Variants in COL11A1 observed in about 807,000 individuals in gnomAD.
The protein encoded by COL11A1 is collagen type XI alpha 1 chain.
In COL11A1, 74 loss-of-function variants were observed where a neutral mutation model predicts 265.2. The ratio of observed to expected loss-of-function variants is 0.28; its 90% CI spans 0.23 to 0.34. COL11A1 has a LOEUF of 0.34. Ranked by LOEUF, COL11A1 falls within the 10% of genes least tolerant of loss-of-function variation. The pLI, the probability that COL11A1 is intolerant of heterozygous loss-of-function variation, is 1.00. For synonymous variants in COL11A1, 816 were observed against 727.6 expected (o/e 1.12, Z -1.96); for missense variants, 2,165 against 2,263.6 (o/e 0.96, Z 0.88).
At chr1:102,938,235 A>G (rs563208647) in intron 44 of COL11A1, among the ~76,000 whole-genome samples, 2 of 152,294 alleles carry the variant, frequency 1.3e-5, no homozygotes, top group African/African-American at 2.4e-5. Flanking sequence ...ATCACAAAAT[A>G]GAACCAGACT....
chr1:103,012,302 A>G, intron 14 of COL11A1, 111 bp downstream of exon 14: 1 of 788,534 alleles, frequency 1.3e-6, no homozygotes, highest in Non-Finnish European at 2.2e-6. Flanking sequence ...AAGCATGAAA[A>G]CATACCCTAT....
chr1:102,902,802 TATA>T (rs746118882), intron 54 of COL11A1, among the ~76,000 whole-genome samples: 3 of 151,236 alleles, frequency 2.0e-5, no homozygotes, highest in Admixed American at 1.3e-4. Flanking sequence ...TAATACTATA[TATA>T]ATAATACTTT....
In COL11A1 at chr1:102,932,015, C is replaced by T. The variant is rs563757923; in HGVS notation, c.3600+2434G>A. On this transcript the variant is annotated intron_variant, in intron 46 of 66. Coordinates refer to ENST00000370096, the MANE Select transcript of COL11A1 (RefSeq NM_001854.4). ...GCACGTGAGATGGGTTTCCTGAATACAGCACACTGATGGGTCTTGACTCTT... is the reference window on the plus strand; with the variant it reads ...GCACGTGAGATGGGTTTCCTGAATATAGCACACTGATGGGTCTTGACTCTT... 3.4e-3 allele frequency among the ~76,000 whole-genome samples: 514 copies of T among 150,196 alleles called. 8 individuals are homozygous for T. The highest frequency in any genetic ancestry group is 5.8e-3 in the Admixed American group (87 of 15,094).
chr1:102,971,408 C>A (rs1184947700), intron 36 of COL11A1, among the ~76,000 whole-genome samples: 4 of 152,204 alleles, frequency 2.6e-5, no homozygotes, highest in African/African-American at 9.6e-5. Flanking sequence ...GTATCAAGTT[C>A]AAATTTCAAA....
At chr1:102,917,288 A>C (rs568704102) in intron 49 of COL11A1, among the ~76,000 whole-genome samples, 27 of 152,148 alleles carry the variant, frequency 1.8e-4, no homozygotes, top group African/African-American at 6.5e-4. Context: ...TGCCTTAAGC[A>C]GAAGAATTAA....
In COL11A1 at chr1:103,026,263, C is replaced by A. The variant is rs772038407; in HGVS notation, c.850G>T (p.Val284Leu). The A allele has an allele frequency of 3.1e-6, 5 of 1,613,772 alleles. No homozygotes were observed. ...TCAGTTACAGTGGGTCCCTCTGTTA[C>A]ACTTTCAGCCTCTTTATACTCTGCT... is the stretch of plus-strand genomic sequence containing the variant. ...GEAEYKEAES[V>L]TEGPTVTEET... Residue 284 changes from valine (V) to leucine (L), a missense_variant, in exon 6 of 67, where the codon GTA becomes TTA. Val to Leu is a conservative substitution (Grantham distance 32, BLOSUM62 1). Coordinates refer to ENST00000370096, the MANE Select transcript of COL11A1 (RefSeq NM_001854.4).
At chr1:103,039,672 T>C (rs1287051143) in intron 4 of COL11A1, among the ~76,000 whole-genome samples, 1 of 152,100 alleles carries the variant, frequency 6.6e-6, no homozygotes, top group Non-Finnish European at 1.5e-5. Context: ...GTTTCTGTTA[T>C]TTAAGCCACT....
chr1:103,091,107 CT>C (rs1673282204), intron 1 of COL11A1, among the ~76,000 whole-genome samples: 1 of 151,996 alleles, frequency 6.6e-6, no homozygotes, highest in South Asian at 2.1e-4. Context: ...GCATTTTTCT[CT>C]TTTCATTATT....
rs1670931955 is a variant in COL11A1 at position 103,064,569 on chromosome 1, T to C, written c.651+10049A>G. On this transcript the variant is annotated intron_variant, in intron 4 of 66. Coordinates refer to ENST00000370096, the MANE Select transcript of COL11A1 (RefSeq NM_001854.4). Reference sequence around the variant, plus strand: ...AGCCAGGCGTGGTGGTGGGTGCCTGTAGTCCCAGCTATTTGGGAGGCTGAG... The same window carrying C: ...AGCCAGGCGTGGTGGTGGGTGCCTGCAGTCCCAGCTATTTGGGAGGCTGAG... Among the ~76,000 whole-genome samples, 5 of 151,846 alleles carry C rather than the reference T, an allele frequency of 3.3e-5. No individual in the cohort carries two copies. In the South Asian group the frequency reaches 1.0e-3, roughly 32 times the overall value.
Position 103,108,192 on chromosome 1 carries a change from A to C in COL11A1, c.-14T>G. On this transcript the variant is annotated 5_prime_UTR_variant, in exon 1 of 67. Transcript: ENST00000370096. ...CCACGGCTCCATCTCCGAGCCCCGCACTCACAACTGTGAACTCAACCCACG... is the reference window on the plus strand; with the variant it reads ...CCACGGCTCCATCTCCGAGCCCCGCCCTCACAACTGTGAACTCAACCCACG... 1 of 1,609,994 alleles carries C rather than the reference A, an allele frequency of 6.2e-7. No homozygotes were observed. The highest frequency in any genetic ancestry group is 8.5e-7 in the Non-Finnish European group (1 of 1,177,022).
At chr1:103,078,076 C>CA (rs1455934522) in intron 3 of COL11A1, among the ~76,000 whole-genome samples, 1 of 152,076 alleles carries the variant, frequency 6.6e-6, no homozygotes, top group Non-Finnish European at 1.5e-5. Flanking sequence ...TTCTTCTGCT[C>CA]AAAAAGCCTC....
intron 4 of COL11A1, 149 bp from the exon 5 acceptor site, chr1:103,031,393 T>C (rs763084851): frequency 2.6e-5 from 26 of 1,002,948 alleles, no homozygotes; most frequent in South Asian, 7.8e-5. Context: ...AAGAGTCTTA[T>C]AGGATTGAAA....
intron 4 of COL11A1, among the ~76,000 whole-genome samples, chr1:103,044,920 A>T (rs1669124660): frequency 6.6e-6 from 1 of 152,096 alleles, no homozygotes; most frequent in Non-Finnish European, 1.5e-5. Flanking sequence ...AGAAAGTAGG[A>T]TACTCTATTA....
intron 10 of COL11A1, 106 bp from the exon 11 acceptor site, chr1:103,017,988 C>A: frequency 1.0e-6 from 1 of 954,088 alleles, no homozygotes; most frequent in Non-Finnish European, 1.7e-6. Context: ...TATAAATATA[C>A]ACTAGAGTTC....
At chr1:102,932,921 G>A (rs533159920) in intron 46 of COL11A1, among the ~76,000 whole-genome samples, 1 of 149,802 alleles carries the variant, frequency 6.7e-6, no homozygotes. Context: ...CGTAGTTCTC[G>A]AGCCTTGGTT....
rs866711682 is a variant in COL11A1, at chr1:103,077,353, G to A, written c.488+1305C>T. ...TTTTTTTTCTTCAGTTAGGAAAGCA[G>A]GATTAAGGAAAAATAAGGTGTGAAT... On this transcript the variant is annotated intron_variant, in intron 3 of 66. Transcript: ENST00000370096. Among the ~76,000 whole-genome samples the A allele has an allele frequency of 7.3e-5, 11 of 151,178 alleles. 1 individual carries two copies. The highest frequency in any genetic ancestry group is 3.4e-3 in the Middle Eastern group (1 of 292).
At chr1:103,044,201 AT>A (rs940481517) in intron 4 of COL11A1, among the ~76,000 whole-genome samples, 6 of 149,904 alleles carry the variant, frequency 4.0e-5, no homozygotes, top group Non-Finnish European at 7.4e-5. Context: ...ACAGTTAATG[AT>A]TTTTTTTTCT....
At chr1:103,077,426 A>G (rs1243022209) in intron 3 of COL11A1, among the ~76,000 whole-genome samples, 1 of 152,096 alleles carries the variant, frequency 6.6e-6, no homozygotes, top group Admixed American at 6.6e-5. Context: ...ATATAGATTA[A>G]AACCTTAGCA....
chr1:102,995,887 G>T lies in COL11A1; in HGVS notation c.2317C>A (p.Leu773Ile). Residue 773 changes from leucine (L) to isoleucine (I), a missense_variant, in exon 28 of 67, where the codon CTC becomes ATC. Leu to Ile is a conservative substitution (Grantham distance 5). Coordinates refer to ENST00000370096, the MANE Select transcript of COL11A1 (RefSeq NM_001854.4). The stretch of plus-strand genomic sequence containing the variant: ...ACCTTTTCACCTTTAGATCCCTTGA[G>T]ACCTCTGACACCATCTGCTCCCTGT... ...GVKGADGVRG[L>I]KGSKGEKGED... The T allele has an allele frequency of 6.2e-7, 1 of 1,611,080 alleles. No individual in the cohort carries two copies. Among genetic ancestry groups the T allele is most frequent in the Non-Finnish European group, 8.5e-7 (1 of 1,178,546 alleles).
Sources: gnomAD v4.1 joint callset for allele counts (sites outside exome capture counted in the v4.1 genomes callset) on GRCh38, gnomAD v4.1.1 for gene constraint, MANE v1.5 for transcripts, NCBI Gene and HGNC (gene_info 2026-07-23, HGNC 2026-07-21) for gene names.